ARID4B: variants seen among roughly 807,000 people sequenced by gnomAD.
The protein encoded by ARID4B is AT-rich interaction domain 4B.
Under a neutral mutation model 147.5 loss-of-function variants are expected in ARID4B, and 26 were observed. The observed-to-expected ratio is 0.18, with a 90% CI of 0.13 to 0.24. ARID4B has a LOEUF of 0.24. Ranked by LOEUF, ARID4B falls within the 10% of genes least tolerant of loss-of-function variation. The probability of loss-of-function intolerance (pLI) is 1.00; values close to 1 mark genes in which losing one functional copy is unlikely to be tolerated. For missense variants in ARID4B, 1,179 were observed against 1,511.5 expected (o/e 0.78, Z 3.65); for synonymous variants, 512 against 507.9 (o/e 1.01, Z -0.11).
intron 17 of ARID4B, among the ~76,000 whole-genome samples, chr1:235,197,515 T>A (rs767176625): frequency 7.9e-5 from 12 of 152,206 alleles, no homozygotes; most frequent in Non-Finnish European, 2.9e-5. Context: ...TTCATCCCCA[T>A]GCAAGGGGTT....
At position 235,168,633 on chromosome 1, in the gene ARID4B, G is replaced by A. The variant is rs754036153; in HGVS notation, c.3831C>T (p.Ser1277=). ...KERESAATSS[S]SSSPSSSSIT... ...TGGAACTGGATGAAGGTGAAGAGGA[G>A]GATGAGGATGTAGCAGCACCTAAGG... The change falls in exon 24 of 24, where the codon TCC becomes TCT. Residue 1277 remains serine, a synonymous_variant. Coordinates refer to ENST00000264183, the MANE Select transcript of ARID4B (RefSeq NM_016374.6). 3 of 1,613,964 alleles carry A rather than the reference G, an allele frequency of 1.9e-6. No homozygotes were observed. The highest frequency in any genetic ancestry group is 3.3e-5 in the Admixed American group (2 of 60,000).
At position 235,306,319 on chromosome 1, in the gene ARID4B, C is replaced by T. The variant is rs572618026; in HGVS notation, c.6+20595G>A. 5.9e-4 allele frequency among the ~76,000 whole-genome samples: 89 copies of T among 152,034 alleles called. No individual in the cohort carries two copies. In the South Asian group the frequency reaches 0.011, roughly 19 times the overall value. On this transcript the variant is annotated intron_variant, in intron 2 of 23. Transcript: ENST00000264183. The stretch of plus-strand genomic sequence containing the variant: ...AAGATCGAGACCATCCTGGCTAAGA[C>T]AGTGAAACCCCGTCTCTACTAAAAA...
intron 2 of ARID4B, among the ~76,000 whole-genome samples, chr1:235,310,310 A>G (rs1321318214): frequency 6.6e-6 from 1 of 152,262 alleles, no homozygotes; most frequent in Non-Finnish European, 1.5e-5. Context: ...TTACTATTCA[A>G]TAAAGCCATC....
intron 2 of ARID4B, among the ~76,000 whole-genome samples, chr1:235,326,496 CAA>C (rs1433399615): frequency 2.0e-5 from 3 of 152,186 alleles, no homozygotes; most frequent in African/African-American, 4.8e-5. Flanking sequence ...TGTGACGAGT[CAA>C]AGAGTTTTCT....
chr1:235,320,283 C>A (rs1324179364), intron 2 of ARID4B, among the ~76,000 whole-genome samples: 1 of 152,080 alleles, frequency 6.6e-6, no homozygotes, highest in Non-Finnish European at 1.5e-5. Flanking sequence ...CCAGCCTAGG[C>A]AACAGAGAGA....
Position 235,175,292 on chromosome 1 carries a change from C to T in ARID4B, c.3556G>A (p.Ala1186Thr), listed in dbSNP as rs769852275. 6.2e-6 allele frequency: 10 copies of T among 1,614,044 alleles called. No homozygotes were observed. The highest frequency in any genetic ancestry group is 2.2e-5 in the East Asian group (1 of 44,880). ...GMKSHSTKSP[A>T]RTQSPGKCGK... ...CATTTTCCTGGAGACTGCGTCCTTG[C>T]GGGAGATTTGGTACTATGAGACTTC... Residue 1186 changes from alanine (A) to threonine (T), a missense_variant, in exon 22 of 24, where the codon GCA (alanine) becomes ACA (threonine). Ala to Thr is a moderately conservative substitution (Grantham distance 58, BLOSUM62 0). Transcript: ENST00000264183.
chr1:235,205,104 T>A (rs1454984418), intron 17 of ARID4B, among the ~76,000 whole-genome samples: 2 of 152,166 alleles, frequency 1.3e-5, no homozygotes, highest in Non-Finnish European at 2.9e-5. Flanking sequence ...TTGCTTTCTA[T>A]CATTACCAGG....
chr1:235,176,689 C>G (rs1418722170), intron 21 of ARID4B: 2 of 365,280 alleles, frequency 5.5e-6, no homozygotes, highest in African/African-American at 2.1e-5. Context: ...CTGTCTCAGC[C>G]TGGCTTTCAT....
At chr1:235,279,208 C>T (rs912268777) in intron 2 of ARID4B, among the ~76,000 whole-genome samples, 1 of 152,110 alleles carries the variant, frequency 6.6e-6, no homozygotes, top group African/African-American at 2.4e-5. Flanking sequence ...ATGCACCCCC[C>T]ACCCCCGGCA....
chr1:235,268,638 C>T (rs919124592), intron 2 of ARID4B, among the ~76,000 whole-genome samples: 2 of 152,120 alleles, frequency 1.3e-5, no homozygotes, highest in African/African-American at 4.8e-5. Flanking sequence ...AAGCAATTCT[C>T]CTGCCCCAGC....
chr1:235,253,656 C>A (rs887306721), intron 5 of ARID4B, among the ~76,000 whole-genome samples: 3 of 151,990 alleles, frequency 2.0e-5, no homozygotes, highest in African/African-American at 7.3e-5. Flanking sequence ...ACTTAAAGCA[C>A]CCCAGCAAAA....
intron 16 of ARID4B, among the ~76,000 whole-genome samples, chr1:235,215,781 G>T (rs1348609582): frequency 6.6e-6 from 1 of 151,528 alleles, no homozygotes; most frequent in Non-Finnish European, 1.5e-5. Context: ...AGAGACAGGG[G>T]TCTCACTATG....
intron 7 of ARID4B, among the ~76,000 whole-genome samples, chr1:235,241,691 G>T (rs997288164): frequency 2.0e-5 from 3 of 151,776 alleles, no homozygotes; most frequent in African/African-American, 4.8e-5. Flanking sequence ...GCTAATTTTT[G>T]TATTTTTGGT....
At chr1:235,278,302 A>G (rs1309902798) in intron 2 of ARID4B, among the ~76,000 whole-genome samples, 11 of 152,160 alleles carry the variant, frequency 7.2e-5, no homozygotes, top group African/African-American at 2.7e-4. Flanking sequence ...TCAGAATTTC[A>G]TTATCAAACA....
At chr1:235,281,664 C>T (rs1052760465) in intron 2 of ARID4B, among the ~76,000 whole-genome samples, 3 of 152,156 alleles carry the variant, frequency 2.0e-5, no homozygotes, top group African/African-American at 7.2e-5. Flanking sequence ...GAGTTGTTAT[C>T]ATGCCTCTGC....
intron 2 of ARID4B, among the ~76,000 whole-genome samples, chr1:235,287,591 T>A (rs944076502): frequency 2.0e-5 from 3 of 152,242 alleles, no homozygotes; most frequent in Admixed American, 6.5e-5. Flanking sequence ...AATGCCTAAT[T>A]ATCAGCAAAT....
intron 2 of ARID4B, among the ~76,000 whole-genome samples, chr1:235,285,963 G>C (rs938678464): frequency 6.6e-6 from 1 of 152,070 alleles, no homozygotes; most frequent in African/African-American, 2.4e-5. Flanking sequence ...TACTAGGTAG[G>C]GAAAGAACAA....
chr1:235,175,136 G>A, intron 22 of ARID4B, 48 bp downstream of exon 22: 1 of 1,506,256 alleles, frequency 6.6e-7, no homozygotes, highest in Non-Finnish European at 9.2e-7. Context: ...AACAAAAAGA[G>A]TTACTAGGAT....
At chr1:235,188,860 A>C (rs992642956) in intron 19 of ARID4B, among the ~76,000 whole-genome samples, 1 of 152,180 alleles carries the variant, frequency 6.6e-6, no homozygotes, top group African/African-American at 2.4e-5. Flanking sequence ...TGCAATTTCC[A>C]AATCAGTTTA....
Sources: gnomAD v4.1 joint callset for allele counts (sites outside exome capture counted in the v4.1 genomes callset) on GRCh38, gnomAD v4.1.1 for gene constraint, MANE v1.5 for transcripts, NCBI Gene and HGNC (gene_info 2026-07-23, HGNC 2026-07-21) for gene names.